PPARG: variants seen among roughly 807,000 people sequenced by gnomAD.
The protein encoded by PPARG is peroxisome proliferator activated receptor gamma.
Under a neutral mutation model 39.2 loss-of-function variants are expected in PPARG, and 17 were observed. The observed-to-expected ratio is 0.43, with a 90% CI of 0.30 to 0.65. PPARG has a LOEUF of 0.65. PPARG is among the 30% of genes least tolerant of loss of function. The pLI is 0.13. For missense variants in PPARG, 406 were observed against 585.9 expected (o/e 0.69, Z 3.17); for synonymous variants, 223 against 215.7 (o/e 1.03, Z -0.30).
intron 2 of PPARG, among the ~76,000 whole-genome samples, chr3:12,337,594 TAA>T (rs2048050504): frequency 1.3e-5 from 2 of 152,110 alleles, no homozygotes; most frequent in Admixed American, 6.5e-5. Context: ...AATGGGGACT[TAA>T]GAGCAGAGCT....
At position 12,390,068 on chromosome 3, in the gene PPARG, A is replaced by G. The variant is rs2050014108; in HGVS notation, c.391-2546A>G. Reference sequence around the variant, plus strand: ...TATTTTTTAAAAAAGTCTAAAATTCAGTTTTAAGGAAAAGACAGTTAGAAA... The same window carrying G: ...TATTTTTTAAAAAAGTCTAAAATTCGGTTTTAAGGAAAAGACAGTTAGAAA... On this transcript the variant is annotated intron_variant, in intron 4 of 7. Transcript: ENST00000651735. 2.0e-5 allele frequency among the ~76,000 whole-genome samples: 3 copies of G among 152,340 alleles called. No individual in the cohort carries two copies. In the South Asian group the frequency reaches 6.2e-4, roughly 32 times the overall value.
chr3:12,319,428 C>T (rs1347997657), intron 2 of PPARG, among the ~76,000 whole-genome samples: 2 of 152,060 alleles, frequency 1.3e-5, no homozygotes, highest in Non-Finnish European at 2.9e-5. Flanking sequence ...TTCCAGATAG[C>T]GTCGTAAAAT....
intron 2 of PPARG, among the ~76,000 whole-genome samples, chr3:12,375,948 CT>C (rs113325527): frequency 2.1e-3 from 306 of 143,628 alleles, no homozygotes; most frequent in East Asian, 7.6e-3. Flanking sequence ...ATTTTCAAGG[CT>C]TTTTTTTTTT....
At chr3:12,420,886 C>T (rs188734154) in intron 7 of PPARG, among the ~76,000 whole-genome samples, 123 of 152,304 alleles carry the variant, frequency 8.1e-4, no homozygotes, top group African/African-American at 2.8e-3. Context: ...TAGTTCTTCT[C>T]GAGTCTTTCT....
intron 2 of PPARG, chr3:12,351,575 C>G: frequency 6.4e-7 from 1 of 1,563,556 alleles, no homozygotes; most frequent in Non-Finnish European, 8.8e-7. Context: ...TTACAGCAAA[C>G]CCCTATTCCA....
intron 2 of PPARG, among the ~76,000 whole-genome samples, chr3:12,342,697 A>T (rs1242153354): frequency 2.0e-5 from 3 of 152,156 alleles, no homozygotes; most frequent in African/African-American, 7.2e-5. Flanking sequence ...AACATTGGTT[A>T]TATCTGGTAG....
At chr3:12,331,105 G>A (rs974160792) in intron 2 of PPARG, among the ~76,000 whole-genome samples, 1 of 152,150 alleles carries the variant, frequency 6.6e-6, no homozygotes, top group African/African-American at 2.4e-5. Flanking sequence ...TTTTCTCAGT[G>A]TTCTTTGTTA....
intron 2 of PPARG, among the ~76,000 whole-genome samples, chr3:12,325,637 G>C (rs574841734): frequency 4.6e-5 from 7 of 150,644 alleles, no homozygotes; most frequent in African/African-American, 1.7e-4. Flanking sequence ...GCTTAGTATA[G>C]AACTCTTCCC....
At chr3:12,423,921 G>A (rs1290025467) in intron 7 of PPARG, among the ~76,000 whole-genome samples, 1 of 152,234 alleles carries the variant, frequency 6.6e-6, no homozygotes, top group African/African-American at 2.4e-5. Flanking sequence ...GGCTACGATT[G>A]TGTCTGAGAG....
chr3:12,434,215 C>T lies in PPARG; in HGVS notation c.*70C>T. 1 of 1,594,784 alleles carries T rather than the reference C, an allele frequency of 6.3e-7. No individual in the cohort carries two copies. Among genetic ancestry groups the T allele is most frequent in the Non-Finnish European group, 8.6e-7 (1 of 1,165,416 alleles). On this transcript the variant is annotated 3_prime_UTR_variant, in exon 8 of 8. Coordinates refer to ENST00000651735, the MANE Select transcript of PPARG (RefSeq NM_138711.6). This position sits in a 1 kb window ranked among gnomAD's most constrained non-coding sequence, Gnocchi z 4.2. ...CACTATTCTGAGGGAAAATCTGACACCTAAGAAATTTACTGTGAAAAAGCA... is the reference window on the plus strand; with the variant it reads ...CACTATTCTGAGGGAAAATCTGACATCTAAGAAATTTACTGTGAAAAAGCA...
At chr3:12,433,116 G>A (rs928219004) in intron 7 of PPARG, among the ~76,000 whole-genome samples, 51 of 152,196 alleles carry the variant, frequency 3.4e-4, no homozygotes, top group African/African-American at 9.7e-4. Context: ...CATAGCATAA[G>A]CAAATTAAGC....
intron 2 of PPARG, among the ~76,000 whole-genome samples, chr3:12,349,655 GA>G (rs759130260): frequency 6.6e-6 from 1 of 152,174 alleles, no homozygotes; most frequent in Non-Finnish European, 1.5e-5. Flanking sequence ...TATTGGCAAT[GA>G]ATATTTGTTG....
chr3:12,340,639 A>G (rs1356147893), intron 2 of PPARG, among the ~76,000 whole-genome samples: 1 of 152,232 alleles, frequency 6.6e-6, no homozygotes, highest in Non-Finnish European at 1.5e-5. Flanking sequence ...AGTATAAAGA[A>G]TAAACTAGAT....
At chr3:12,414,065 A>G (rs1163018791) in intron 6 of PPARG, among the ~76,000 whole-genome samples, 41 of 152,156 alleles carry the variant, frequency 2.7e-4, no homozygotes, top group Admixed American at 2.7e-3. Flanking sequence ...AAAGGGGAAG[A>G]GTGACAAGGG....
chr3:12,295,805 G>A (rs572348213), intron 1 of PPARG, among the ~76,000 whole-genome samples: 7 of 151,856 alleles, frequency 4.6e-5, no homozygotes, highest in South Asian at 2.1e-4. Flanking sequence ...GTGAGCCACC[G>A]TGCCTGGCAA....
intron 7 of PPARG, among the ~76,000 whole-genome samples, chr3:12,421,324 G>A (rs2051252986): frequency 1.3e-5 from 2 of 152,184 alleles, no homozygotes; most frequent in African/African-American, 4.8e-5. Context: ...AACTTCCCTT[G>A]CACTCCCTAG....
At chr3:12,373,667 A>G (rs1173600231) in intron 2 of PPARG, among the ~76,000 whole-genome samples, 2 of 152,206 alleles carry the variant, frequency 1.3e-5, no homozygotes, top group Non-Finnish European at 2.9e-5. Flanking sequence ...TTGGTTAAAA[A>G]AAAAAACTGT....
At chr3:12,414,080 T>A (rs2050976615) in intron 6 of PPARG, among the ~76,000 whole-genome samples, 2 of 152,072 alleles carry the variant, frequency 1.3e-5, no homozygotes, top group African/African-American at 4.8e-5. Context: ...CAAGGGTGAT[T>A]TATCAGGGCA....
At chr3:12,376,486 A>G (rs1559513892) in intron 2 of PPARG, among the ~76,000 whole-genome samples, 2 of 152,196 alleles carry the variant, frequency 1.3e-5, no homozygotes, top group Non-Finnish European at 2.9e-5. Flanking sequence ...CCCCTCCTCC[A>G]TAAGCCTGTT....
Sources: allele counts gnomAD v4.1 joint callset (sites outside exome capture counted in the v4.1 genomes callset), GRCh38; gene constraint gnomAD v4.1.1; non-coding constraint Gnocchi (gnomAD v3.1); transcripts MANE v1.5; gene names NCBI Gene and HGNC (gene_info 2026-07-23, HGNC 2026-07-21).